LGR6: variants seen among roughly 807,000 people sequenced by gnomAD.
LGR6 encodes the protein leucine rich repeat containing G protein-coupled receptor 6, also known as leucine-rich repeat-containing G protein-coupled receptor 6.
LGR6 carries 45 observed loss-of-function variants against 69.4 expected under a neutral mutation model. The observed-to-expected ratio is 0.65, with a 90% CI of 0.51 to 0.83. The LOEUF (loss-of-function observed/expected upper bound fraction) is 0.83. LGR6 is among the 40% of genes least tolerant of loss of function. The pLI is 0.00. For missense variants in LGR6, 1,108 were observed against 1,246.7 expected (o/e 0.89, Z 1.68); for synonymous variants, 538 against 555.0 (o/e 0.97, Z 0.43).
chr1:202,245,525 T>G (rs1467982745), intron 4 of LGR6, among the ~76,000 whole-genome samples: 1 of 152,152 alleles, frequency 6.6e-6, no homozygotes, highest in Non-Finnish European at 1.5e-5. Context: ...CTCCTCAGCC[T>G]TCCTGCTAGC....
rs1028854144 is a variant in LGR6, at chr1:202,318,081, C to T, written c.1778C>T (p.Pro593Leu). 5.6e-6 allele frequency: 9 copies of T among 1,613,892 alleles called. No homozygotes were observed. Among genetic ancestry groups the T allele is most frequent in the Non-Finnish European group, 7.6e-6 (9 of 1,179,764 alleles). ...ACCGTGTTCGCTGGCGGGCCTGTCC[C>T]CCTGCCCCCGGTCAAGTTTGTGGTA... ...LLTVFAGGPV[P>L]LPPVKFVVGA... Residue 593 changes from proline to leucine, a missense_variant, in exon 18 of 18, where the codon CCC (proline) becomes CTC (leucine). Coordinates refer to ENST00000367278, the MANE Select transcript of LGR6 (RefSeq NM_001017403.2).
intron 4 of LGR6, among the ~76,000 whole-genome samples, chr1:202,271,292 G>A (rs1312557650): frequency 6.6e-6 from 1 of 152,128 alleles, no homozygotes. Context: ...GCTGCCAGAT[G>A]GCAGGGGAGC....
intron 1 of LGR6, among the ~76,000 whole-genome samples, chr1:202,215,042 T>C (rs1371034976): frequency 6.8e-6 from 1 of 147,548 alleles, no homozygotes; most frequent in Non-Finnish European, 1.5e-5. Flanking sequence ...CGTTGGTGAG[T>C]TGAGTTGCTG....
At chr1:202,238,436 T>C (rs1661806699) in intron 4 of LGR6, among the ~76,000 whole-genome samples, 1 of 136,230 alleles carries the variant, frequency 7.3e-6, no homozygotes, top group Non-Finnish European at 1.5e-5. Context: ...TTTTTTTTTT[T>C]TTAAGACAGA....
chr1:202,198,573 A>G (rs776665942), intron 1 of LGR6, among the ~76,000 whole-genome samples: 1 of 152,028 alleles, frequency 6.6e-6, no homozygotes, highest in Admixed American at 6.5e-5. Flanking sequence ...TATGAAAGGC[A>G]TAGGATAGGT....
chr1:202,311,673 T>C (rs1048532941), intron 16 of LGR6, among the ~76,000 whole-genome samples: 1 of 152,076 alleles, frequency 6.6e-6, no homozygotes, highest in African/African-American at 2.4e-5. Context: ...AAAAACTAAA[T>C]AAATAAATAA....
At chr1:202,316,953 A>G (rs1008525055) in intron 17 of LGR6, among the ~76,000 whole-genome samples, 1 of 152,214 alleles carries the variant, frequency 6.6e-6, no homozygotes, top group Non-Finnish European at 1.5e-5. Context: ...CCCAGAAGTC[A>G]TCTGTATTTT....
rs1665548299 is a variant in LGR6 at position 202,276,325 on chromosome 1, A to T, written c.448A>T (p.Ile150Phe). ...CACCAGGCGCCTAGATGCCAACCTC[A>T]TCTCCCTGGTCCCGGAGAGGAGCTT... ...LQSLRLDANL[I>F]SLVPERSFEG... The change falls in exon 5 of 18, where the codon ATC becomes TTC. Residue 150 changes from isoleucine to phenylalanine, a missense_variant. By Grantham distance (21) the Ile-to-Phe change is conservative. Transcript: ENST00000367278. The T allele has an allele frequency of 6.2e-7, 1 of 1,613,828 alleles. No homozygotes were observed. The highest frequency in any genetic ancestry group is 8.5e-7 in the Non-Finnish European group (1 of 1,179,870).
At chr1:202,228,145 T>A in intron 3 of LGR6, 138 bp downstream of exon 3, 2 of 602,842 alleles carry the variant, frequency 3.3e-6, no homozygotes, top group Non-Finnish European at 5.8e-6. Flanking sequence ...TTTCAATTGT[T>A]ATTTCCATTT....
intron 1 of LGR6, among the ~76,000 whole-genome samples, chr1:202,217,524 T>G (rs1400419675): frequency 6.6e-6 from 1 of 152,156 alleles, no homozygotes; most frequent in Non-Finnish European, 1.5e-5. Context: ...TCCCCTGCCT[T>G]TATCCCTCCC....
intron 4 of LGR6, among the ~76,000 whole-genome samples, chr1:202,265,492 G>A (rs1354308878): frequency 6.6e-6 from 1 of 152,270 alleles, no homozygotes; most frequent in Non-Finnish European, 1.5e-5. Flanking sequence ...CCTGGGAAGT[G>A]TCTCTGGGGG....
chr1:202,205,632 C>T (rs956108428), intron 1 of LGR6, among the ~76,000 whole-genome samples: 3 of 145,504 alleles, frequency 2.1e-5, no homozygotes, highest in African/African-American at 5.1e-5. Context: ...TACACATACA[C>T]CTCCTTCAAA....
intron 4 of LGR6, 193 bp downstream of exon 4, chr1:202,236,186 C>T (rs1418594799): frequency 1.8e-5 from 11 of 599,358 alleles, no homozygotes; most frequent in East Asian, 1.7e-4. Context: ...GCTGTGTACA[C>T]TCCTATGCAT....
At chr1:202,226,278 T>G (rs974235784) in intron 2 of LGR6, among the ~76,000 whole-genome samples, 6 of 152,206 alleles carry the variant, frequency 3.9e-5, no homozygotes, top group Non-Finnish European at 8.8e-5. Flanking sequence ...CCAGCCCTGT[T>G]TTTTCTAATT....
At chr1:202,207,032 C>T (rs1659272851) in intron 1 of LGR6, among the ~76,000 whole-genome samples, 2 of 152,046 alleles carry the variant, frequency 1.3e-5, no homozygotes, top group South Asian at 4.1e-4. Flanking sequence ...ATTCTTCTGC[C>T]TCAGCCTCTC....
chr1:202,300,877 A>G lies in LGR6; in HGVS notation c.814A>G (p.Ile272Val), dbSNP rs188651046. Residue 272 changes from isoleucine to valine, a missense_variant, in exon 8 of 18, where the codon ATC becomes GTC. Coordinates refer to ENST00000367278, the MANE Select transcript of LGR6 (RefSeq NM_001017403.2). ...GTTCCATAACAACAACATCAAGGCC[A>G]TCCCAGAAAAGGCCTTCATGGGGAA... ...LGFHNNNIKAIPEKAFMGNPL... is the reference protein window; with the variant it reads ...LGFHNNNIKAVPEKAFMGNPL... 6.0e-5 allele frequency: 96 copies of G among 1,612,614 alleles called. No homozygotes were observed. The East Asian group carries it at 2.1e-3, about 35-fold the overall frequency.
chr1:202,314,691 T>C (rs1303023100), intron 16 of LGR6, 111 bp from the exon 17 acceptor site: 2 of 776,888 alleles, frequency 2.6e-6, no homozygotes, highest in Non-Finnish European at 4.6e-6. Context: ...GAATGAACAG[T>C]GCTGAGCAGA....
At chr1:202,195,907 G>T (rs1292935229) in intron 1 of LGR6, among the ~76,000 whole-genome samples, 1 of 152,142 alleles carries the variant, frequency 6.6e-6, no homozygotes, top group African/African-American at 2.4e-5. Flanking sequence ...GTCACCTTTG[G>T]AATTCAAGCA....
intron 3 of LGR6, among the ~76,000 whole-genome samples, chr1:202,231,961 G>A (rs559295062): frequency 2.6e-5 from 4 of 152,174 alleles, no homozygotes; most frequent in East Asian, 1.9e-4. Context: ...GCGTGGTGGC[G>A]CACACCTGTA....
Sources: gnomAD v4.1 joint callset for allele counts (sites outside exome capture counted in the v4.1 genomes callset) on GRCh38, gnomAD v4.1.1 for gene constraint, MANE v1.5 for transcripts, NCBI Gene and HGNC (gene_info 2026-07-23, HGNC 2026-07-21) for gene names.